The following PABIR2 variants were observed in gnomAD, a reference collection of about 807,000 sequenced individuals.
The protein encoded by PABIR2 is PABIR family member 2.
PABIR2 carries 7 observed loss-of-function variants against 22.8 expected under a neutral mutation model. The ratio of observed to expected loss-of-function variants is 0.31; its 90% CI spans 0.17 to 0.58. The LOEUF (loss-of-function observed/expected upper bound fraction) is 0.58. Among genes scored for constraint, PABIR2 ranks in the 20% least tolerant of loss-of-function variants. The pLI, the probability that PABIR2 is intolerant of heterozygous loss-of-function variation, is 0.89. For synonymous variants in PABIR2, 67 were observed against 73.8 expected (o/e 0.91, Z 0.47); for missense variants, 155 against 205.1 (o/e 0.76, Z 1.49).
intron 8 of PABIR2, 60 bp downstream of exon 8, chrX:134,785,826 T>C: frequency 5.6e-6 from 6 of 1,068,171 alleles, no homozygotes; most frequent in Non-Finnish European, 7.8e-6. Flanking sequence ...TCTACTTTCT[T>C]AGCAAATTTC....
Position 134,772,242 on chromosome X carries a change from G to A in PABIR2, c.701C>T (p.Ser234Phe). 10 of 1,200,772 alleles carry A rather than the reference G, an allele frequency of 8.3e-6. No individual in the cohort carries two copies. Among genetic ancestry groups the A allele is most frequent in the Non-Finnish European group, 1.1e-5 (10 of 888,484 alleles). Residue 234 changes from serine to phenylalanine, a missense_variant, in exon 10 of 10, where the codon TCC becomes TTC. By Grantham distance (155) the Ser-to-Phe change is radical. Transcript: ENST00000343004. ...GCTGCCTTTAGCCAGCGGGTCTGAG[G>A]ATAAGCCACTGCTGCTACTACTGCC... ...LDGSSSSSGL[S>F]SDPLAKGSAT...
chrX:134,777,768 G>A (rs1320914029), intron 9 of PABIR2, among the ~76,000 whole-genome samples: 7 of 110,562 alleles, frequency 6.3e-5, no homozygotes, highest in South Asian at 7.6e-4. Context: ...CCCAGGAAGC[G>A]GAGGTTGCAG....
At chrX:134,784,545 T>C (rs2079254681) in intron 8 of PABIR2, among the ~76,000 whole-genome samples, 1 of 108,419 alleles carries the variant, frequency 9.2e-6, no homozygotes, top group Non-Finnish European at 1.9e-5. Flanking sequence ...GGCTGCCATC[T>C]CGGCTCACTG....
rs1479393976 is a variant in PABIR2, at chrX:134,796,869, G to C, written c.-664C>G. ...CACCGAGGACCTGACAGTCGGGTAG[G>C]ACCCGGCCGGGCGGCCTTGGCGGCT... is the stretch of plus-strand genomic sequence containing the variant. On this transcript the variant is annotated 5_prime_UTR_variant, in exon 1 of 10. Transcript: ENST00000343004. The C allele has an allele frequency of 2.7e-5, 3 of 112,042 alleles. No individual in the cohort carries two copies. Among genetic ancestry groups the C allele is most frequent in the Non-Finnish European group, 5.7e-5 (3 of 53,043 alleles). 9.2% of individuals were successfully genotyped at this position (112,042 alleles called of 1,213,427 possible). A position where few individuals can be genotyped will look rare whatever the true frequency, so the allele number is the denominator to read the frequency against.
At chrX:134,788,222 TTA>T (rs771873847) in intron 6 of PABIR2, among the ~76,000 whole-genome samples, 998 of 45,050 alleles carry the variant, frequency 0.022, 26 homozygotes, top group African/African-American at 0.1. Flanking sequence ...TATATACACG[TTA>T]TATATGTGTA....
At chrX:134,773,613 T>A (rs1335814314) in intron 9 of PABIR2, among the ~76,000 whole-genome samples, 7 of 110,220 alleles carry the variant, frequency 6.4e-5, no homozygotes, top group Non-Finnish European at 1.3e-4. Context: ...GTTCCAGGAA[T>A]CAGTGACAGA....
At chrX:134,788,084 A>G (rs986875586) in intron 6 of PABIR2, among the ~76,000 whole-genome samples, 21 of 102,297 alleles carry the variant, frequency 2.1e-4, no homozygotes, top group African/African-American at 7.2e-4. Flanking sequence ...TATACACGTT[A>G]TATGTGTAAT....
chrX:134,788,470 T>TATATACGTTATATATGTA (rs1569430731), intron 6 of PABIR2, among the ~76,000 whole-genome samples: 8 of 99,610 alleles, frequency 8.0e-5, no homozygotes, highest in African/African-American at 3.5e-4. Flanking sequence ...ATATATGTGT[T>TATATACGTTATATATGTA]ATATATACGT....
intron 7 of PABIR2, among the ~76,000 whole-genome samples, chrX:134,787,057 T>C (rs188809350): frequency 9.0e-6 from 1 of 110,861 alleles, no homozygotes; most frequent in African/African-American, 3.3e-5. Flanking sequence ...TTTTGATGTC[T>C]GAAAATTTCA....
At chrX:134,785,100 AATG>A (rs2079273931) in intron 8 of PABIR2, among the ~76,000 whole-genome samples, 1 of 112,196 alleles carries the variant, frequency 8.9e-6, no homozygotes, top group East Asian at 2.8e-4. Flanking sequence ...TTGAATATAT[AATG>A]ATAATATGAA....
intron 9 of PABIR2, among the ~76,000 whole-genome samples, chrX:134,777,644 C>T (rs985509340): frequency 2.7e-5 from 3 of 110,109 alleles, no homozygotes; most frequent in Non-Finnish European, 5.7e-5. Flanking sequence ...CGAGACCAGC[C>T]TGACCAACAT....
rs1485171512 is a variant in PABIR2, at chrX:134,789,509, A to G, written c.234+71T>C. 3.1e-6 allele frequency: 3 copies of G among 980,157 alleles called. No homozygotes were observed. In the Admixed American group the frequency reaches 8.3e-5, roughly 27 times the overall value. The allele number at this position is 980,157 out of a possible 1,213,427, so 80.8% of individuals were successfully genotyped here. ...CAGAGTTGCATCCTAATTCATTTTA[A>G]TATCTACGTCTTTAAAATAAAAATG... On this transcript the variant is annotated intron_variant, in intron 3 of 9. Coordinates refer to ENST00000343004, the MANE Select transcript of PABIR2 (RefSeq NM_001387468.1).
chrX:134,779,795 AG>A (rs1160261981), intron 9 of PABIR2, among the ~76,000 whole-genome samples: 1 of 112,744 alleles, frequency 8.9e-6, no homozygotes, highest in Non-Finnish European at 1.9e-5. Flanking sequence ...GTTAGTAACT[AG>A]GTAAGCAAAC....
rs1490731738 is a variant in PABIR2 at position 134,774,132 on chromosome X, A to C, written c.660-1849T>G. ...TCATTAATAATACCACTGTTAAGTA[A>C]GAAGTTTGGAAATTTTAGCTGGCTC... On this transcript the variant is annotated intron_variant, in intron 9 of 9. Transcript: ENST00000343004. 2.7e-5 allele frequency among the ~76,000 whole-genome samples: 3 copies of C among 112,336 alleles called. No homozygotes were observed. In the Admixed American group the frequency reaches 2.8e-4, roughly 11 times the overall value.
chrX:134,782,014 ACTT>A, intron 8 of PABIR2, 97 bp from the exon 9 acceptor site: 1 of 486,576 alleles, frequency 2.1e-6, no homozygotes, highest in East Asian at 3.8e-5. Context: ...AGCTCAGAAT[ACTT>A]CTTCAAACCA....
chrX:134,787,764 C>T (rs370200337), intron 6 of PABIR2, among the ~76,000 whole-genome samples: 9 of 103,888 alleles, frequency 8.7e-5, no homozygotes, highest in East Asian at 6.0e-4. Context: ...TACAGGTGTG[C>T]GCCACCATGC....
At chrX:134,779,734 T>C (rs762317333) in intron 9 of PABIR2, among the ~76,000 whole-genome samples, 1 of 112,920 alleles carries the variant, frequency 8.9e-6, no homozygotes, top group East Asian at 2.8e-4. Context: ...ACCCTGTATG[T>C]TTTTAGCTTG....
At chrX:134,794,419 C>T (rs1360859166) in intron 1 of PABIR2, among the ~76,000 whole-genome samples, 1 of 111,453 alleles carries the variant, frequency 9.0e-6, no homozygotes, top group Non-Finnish European at 1.9e-5. Flanking sequence ...CCTTCTGCCT[C>T]AAATGCTCTC....
At chrX:134,773,187 T>C (rs189680510) in intron 9 of PABIR2, among the ~76,000 whole-genome samples, 1 of 111,227 alleles carries the variant, frequency 9.0e-6, no homozygotes, top group East Asian at 2.8e-4. Context: ...CAGTCTGGCA[T>C]CAAGCTGCCT....
Sources: gnomAD v4.1 joint callset for allele counts (sites outside exome capture counted in the v4.1 genomes callset) on GRCh38, gnomAD v4.1.1 for gene constraint, MANE v1.5 for transcripts, NCBI Gene and HGNC (gene_info 2026-07-23, HGNC 2026-07-21) for gene names.